Variants in CAPN3 observed in about 807,000 individuals in gnomAD.
The protein encoded by CAPN3 is calpain-3.
CAPN3 carries 88 observed loss-of-function variants against 114.0 expected under a neutral mutation model. The observed-to-expected ratio is 0.77, with a 90% CI of 0.65 to 0.92. CAPN3 has a LOEUF of 0.92. CAPN3 is among the 40% of genes least tolerant of loss of function. The pLI, the probability that CAPN3 is intolerant of heterozygous loss-of-function variation, is 0.00. For synonymous variants in CAPN3, 386 were observed against 382.9 expected, an observed-to-expected ratio of 1.01 and a Z score of -0.09; for missense variants, 1,028 against 1,069.0, an observed-to-expected ratio of 0.96 and a Z score of 0.53.
chr15:42,404,785 C>A, intron 14 of CAPN3: 1 of 1,101,646 alleles, frequency 9.1e-7, no homozygotes, highest in Non-Finnish European at 1.1e-6. Context: ...TGGTCATAAT[C>A]CTGACCCTGA....
At chr15:42,401,355 A>C (rs1332162352) in intron 10 of CAPN3, among the ~76,000 whole-genome samples, 1 of 151,966 alleles carries the variant, frequency 6.6e-6, no homozygotes, top group East Asian at 1.9e-4. Flanking sequence ...AGTCACCAAC[A>C]GCGTTTAAGG....
intron 17 of CAPN3, 134 bp downstream of exon 17, chr15:42,409,514 T>C: frequency 1.1e-6 from 1 of 942,298 alleles, no homozygotes; most frequent in Non-Finnish European, 1.7e-6. Context: ...GATGTGTGCG[T>C]AGCACACAAA....
chr15:42,407,329 G>A (rs1242191424), intron 15 of CAPN3, among the ~76,000 whole-genome samples: 1 of 148,414 alleles, frequency 6.7e-6, no homozygotes, highest in Middle Eastern at 3.2e-3. Flanking sequence ...AGGCCAGAGA[G>A]GATATTTTTG....
intron 12 of CAPN3, chr15:42,402,517 T>A: frequency 7.0e-7 from 1 of 1,436,936 alleles, no homozygotes; most frequent in South Asian, 1.5e-5. Context: ...TTGGGGGTCC[T>A]TCCAGCCTGA....
chr15:42,398,098 T>TATATTTTTGGGGTACATATGTACCC (rs200717923), intron 9 of CAPN3, among the ~76,000 whole-genome samples: 1 of 151,438 alleles, frequency 6.6e-6, no homozygotes, highest in Non-Finnish European at 1.5e-5. Flanking sequence ...CATAGCTATA[T>TATATTTTTGGGGTACATATGTACCC]ATATTTTTGG....
chr15:42,390,520 C>A (rs1337371651), intron 6 of CAPN3, among the ~76,000 whole-genome samples: 1 of 152,160 alleles, frequency 6.6e-6, no homozygotes. Flanking sequence ...GTGGAAAAAG[C>A]AAGGTCTCCC....
chr15:42,412,138 C>T lies in CAPN3; in HGVS notation c.*365C>T. On this transcript the variant is annotated 3_prime_UTR_variant, in exon 24 of 24. Coordinates refer to ENST00000397163, the MANE Select transcript of CAPN3 (RefSeq NM_000070.3). ...CACTCAGCACCTCCTTGTGCTAGAGCCCTCCATCACCTTCACGCTGTCCCA... is the reference window on the plus strand; with the variant it reads ...CACTCAGCACCTCCTTGTGCTAGAGTCCTCCATCACCTTCACGCTGTCCCA... 1 of 1,536,004 alleles carries T rather than the reference C, an allele frequency of 6.5e-7. No individual in the cohort carries two copies. The highest frequency in any genetic ancestry group is 1.2e-5 in the South Asian group (1 of 84,054).
intron 1 of CAPN3, among the ~76,000 whole-genome samples, chr15:42,376,814 A>G (rs2053100566): frequency 1.3e-5 from 2 of 152,218 alleles, no homozygotes; most frequent in Admixed American, 6.5e-5. Context: ...TAATATTTCT[A>G]TGTATAACCA....
intron 18 of CAPN3, 39 bp downstream of exon 18, chr15:42,409,883 G>GCCC: frequency 1.8e-6 from 1 of 559,644 alleles, no homozygotes; most frequent in Non-Finnish European, 3.5e-6. Flanking sequence ...GGTGGGTGGG[G>GCCC]AGTCCCGTTG....
Position 42,401,736 on chromosome 15 carries a change from C to A in CAPN3, c.1450C>A (p.Leu484Met), listed in dbSNP as rs144220513. 9 of 1,614,056 alleles carry A rather than the reference C, an allele frequency of 5.6e-6. No homozygotes were observed. Among genetic ancestry groups the A allele is most frequent in the Middle Eastern group, 1.7e-4 (1 of 6,060 alleles). The stretch of plus-strand genomic sequence containing the variant: ...GGTGATTTGCAGCTTCCTGGTGGCC[C>A]TGATGCAGAAGAACCGGCGGAAGGA... ...SEVICSFLVA[L>M]MQKNRRKDRK... Residue 484 changes from leucine (L) to methionine (M), a missense_variant, in exon 11 of 24, where the codon CTG (leucine) becomes ATG (methionine). Transcript: ENST00000397163.
intron 10 of CAPN3, 150 bp from the exon 11 acceptor site, chr15:42,401,490 AT>A: frequency 4.5e-5 from 8 of 179,748 alleles, no homozygotes; most frequent in South Asian, 2.0e-4. Flanking sequence ...CCCCCCCCAA[AT>A]CATTAGAGAA....
chr15:42,377,292 T>C (rs557202192), intron 1 of CAPN3, among the ~76,000 whole-genome samples: 36 of 152,274 alleles, frequency 2.4e-4, no homozygotes, highest in African/African-American at 8.7e-4. Flanking sequence ...AGTATGAAGT[T>C]AGCTGTTATT....
intron 5 of CAPN3, 128 bp downstream of exon 5, chr15:42,389,224 G>T: frequency 1.2e-6 from 1 of 865,912 alleles, no homozygotes. Flanking sequence ...GCAGGAACTG[G>T]CTCTCAACTT....
intron 5 of CAPN3, among the ~76,000 whole-genome samples, chr15:42,389,431 GC>G (rs1184111340): frequency 6.6e-6 from 1 of 152,154 alleles, no homozygotes; most frequent in African/African-American, 2.4e-5. Context: ...GTGGACCTGA[GC>G]CCACCATTTC....
intron 1 of CAPN3, among the ~76,000 whole-genome samples, chr15:42,366,530 C>G (rs1442305874): frequency 6.6e-6 from 1 of 152,176 alleles, no homozygotes; most frequent in African/African-American, 2.4e-5. Flanking sequence ...TGCTCACTTT[C>G]TGAACCCTTA....
chr15:42,408,171 A>G (rs375690092), intron 15 of CAPN3, 40 bp from the exon 16 acceptor site: 22 of 1,378,504 alleles, frequency 1.6e-5, no homozygotes, highest in East Asian at 2.3e-5. Flanking sequence ...TTCAGACTGT[A>G]ATCCTCCCTT....
chr15:42,392,097 A>G (rs907755336), intron 6 of CAPN3, among the ~76,000 whole-genome samples: 7 of 152,154 alleles, frequency 4.6e-5, no homozygotes, highest in African/African-American at 1.7e-4. Context: ...CACGGGAGGC[A>G]GAGGTTGCAG....
intron 9 of CAPN3, among the ~76,000 whole-genome samples, chr15:42,398,933 C>T (rs987961180): frequency 1.3e-5 from 2 of 151,536 alleles, no homozygotes; most frequent in African/African-American, 4.9e-5. Flanking sequence ...TACAAGTGCC[C>T]GCCATAATGC....
chr15:42,379,575 T>C (rs757134892), intron 1 of CAPN3, among the ~76,000 whole-genome samples: 1 of 152,166 alleles, frequency 6.6e-6, no homozygotes, highest in Non-Finnish European at 1.5e-5. Context: ...CTATTTCTCC[T>C]TTCAGTTCTA....
Sources: allele counts gnomAD v4.1 joint callset (sites outside exome capture counted in the v4.1 genomes callset), GRCh38; gene constraint gnomAD v4.1.1; transcripts MANE v1.5; gene names NCBI Gene and HGNC (gene_info 2026-07-23, HGNC 2026-07-21).